MAPK4: variants seen among roughly 807,000 people sequenced by gnomAD.
MAPK4 encodes the protein Erk3-related.
Under a neutral mutation model 47.7 loss-of-function variants are expected in MAPK4, and 22 were observed. The ratio of observed to expected loss-of-function variants is 0.46; its 90% CI spans 0.33 to 0.66. The LOEUF (loss-of-function observed/expected upper bound fraction) is 0.66. Among genes scored for constraint, MAPK4 ranks in the 30% least tolerant of loss-of-function variants. The pLI is 0.02. For synonymous variants in MAPK4, 390 were observed against 365.7 expected, an observed-to-expected ratio of 1.07 and a Z score of -0.76; for missense variants, 736 against 831.7, an observed-to-expected ratio of 0.88 and a Z score of 1.42.
In MAPK4 at chr18:50,600,070, C is replaced by T. The variant is rs544966273; in HGVS notation, c.-871+39827C>T. 8.5e-5 allele frequency among the ~76,000 whole-genome samples: 13 copies of T among 152,280 alleles called. No individual in the cohort carries two copies. The South Asian group carries it at 1.7e-3, about 19-fold the overall frequency. On this transcript the variant is annotated intron_variant, in intron 1 of 5. Coordinates refer to ENST00000400384, the MANE Select transcript of MAPK4 (RefSeq NM_002747.4). ...TAGTTTCAGATGCCTTCAATTCTGC[C>T]GAGTAGAAGCCACTGTATTTGATAT...
At chr18:50,710,760 A>T (rs1910313381) in intron 2 of MAPK4, among the ~76,000 whole-genome samples, 1 of 151,084 alleles carries the variant, frequency 6.6e-6, no homozygotes, top group Non-Finnish European at 1.5e-5. Context: ...AGCCTGGGTG[A>T]CAGAGTGAGA....
intron 1 of MAPK4, among the ~76,000 whole-genome samples, chr18:50,641,493 A>C (rs1357428882): frequency 6.6e-6 from 1 of 152,206 alleles, no homozygotes; most frequent in African/African-American, 2.4e-5. Flanking sequence ...CAAAATATAT[A>C]TATACTTTTA....
At chr18:50,721,681 A>G (rs566024700) in intron 3 of MAPK4, among the ~76,000 whole-genome samples, 24 of 152,322 alleles carry the variant, frequency 1.6e-4, no homozygotes, top group African/African-American at 5.8e-4. Context: ...GAGACACAGA[A>G]TGCTAGGGGA....
At chr18:50,599,313 A>G (rs951336721) in intron 1 of MAPK4, among the ~76,000 whole-genome samples, 4 of 152,158 alleles carry the variant, frequency 2.6e-5, no homozygotes, top group African/African-American at 7.2e-5. Flanking sequence ...TAAAAACCCT[A>G]TCAGTCTTTT....
At chr18:50,587,246 C>T (rs28523430) in intron 1 of MAPK4, among the ~76,000 whole-genome samples, 6,151 of 152,144 alleles carry the variant, frequency 0.04, 444 homozygotes, top group African/African-American at 0.14. Context: ...GAATGGGATT[C>T]GTGCCCTTAT....
At chr18:50,615,499 G>A (rs2042677109) in intron 1 of MAPK4, among the ~76,000 whole-genome samples, 1 of 152,150 alleles carries the variant, frequency 6.6e-6, no homozygotes, top group Non-Finnish European at 1.5e-5. Flanking sequence ...AGGAAAAAAG[G>A]ATGAAAGGCA....
chr18:50,703,583 G>A (rs762993710), intron 2 of MAPK4, among the ~76,000 whole-genome samples: 2 of 152,176 alleles, frequency 1.3e-5, no homozygotes, highest in African/African-American at 4.8e-5. Context: ...TAACAGGTCA[G>A]TATGTTTCCT....
chr18:50,699,772 A>C (rs967672794), intron 2 of MAPK4, among the ~76,000 whole-genome samples: 2 of 152,196 alleles, frequency 1.3e-5, no homozygotes, highest in African/African-American at 4.8e-5. Context: ...CCTCGGATTT[A>C]ATCATTCACT....
chr18:50,659,077 A>G (rs908754036), intron 1 of MAPK4, among the ~76,000 whole-genome samples: 8 of 152,252 alleles, frequency 5.3e-5, no homozygotes. Context: ...CTATAAAGGC[A>G]GAATTAAGTT....
chr18:50,635,972 C>T (rs1015224143), intron 1 of MAPK4, among the ~76,000 whole-genome samples: 4 of 152,228 alleles, frequency 2.6e-5, no homozygotes, highest in African/African-American at 9.6e-5. Context: ...GTCTAATCTA[C>T]TCTCTCAGAC....
chr18:50,729,101 C>G, intron 5 of MAPK4, 57 bp from the exon 6 acceptor site: 1 of 1,452,054 alleles, frequency 6.9e-7, no homozygotes, highest in Non-Finnish European at 9.3e-7. Context: ...GCTTGGCTCC[C>G]TCCCGGAAGC....
intron 1 of MAPK4, among the ~76,000 whole-genome samples, chr18:50,610,048 T>G (rs1310867392): frequency 1.3e-5 from 2 of 152,182 alleles, no homozygotes; most frequent in Non-Finnish European, 2.9e-5. Context: ...AGAGGTGAAT[T>G]AACTTGTCTA....
At position 50,716,589 on chromosome 18, in the gene MAPK4, G is replaced by T. The variant is rs1345778146; in HGVS notation, c.691+1366G>T. Among the ~76,000 whole-genome samples the T allele has an allele frequency of 2.6e-5, 4 of 152,312 alleles. No homozygotes were observed. In the East Asian group the frequency reaches 5.8e-4, roughly 22 times the overall value. On this transcript the variant is annotated intron_variant, in intron 3 of 5. Transcript: ENST00000400384. The stretch of plus-strand genomic sequence containing the variant: ...GGTGAGGCCAGTCTCCACACGCTCT[G>T]GCTGCAGCATGAGCCCCGTGGGCCT...
At chr18:50,601,951 G>T (rs1279519449) in intron 1 of MAPK4, among the ~76,000 whole-genome samples, 1 of 152,048 alleles carries the variant, frequency 6.6e-6, no homozygotes, top group African/African-American at 2.4e-5. Context: ...CCATCCTATG[G>T]AAAGGACCCA....
chr18:50,647,596 C>G (rs1033083363), intron 1 of MAPK4, among the ~76,000 whole-genome samples: 2 of 152,118 alleles, frequency 1.3e-5, no homozygotes, highest in Non-Finnish European at 2.9e-5. Context: ...AGAATTTTAC[C>G]GTCGGCTCAA....
chr18:50,569,867 T>C (rs760616979), intron 1 of MAPK4, among the ~76,000 whole-genome samples: 11 of 152,268 alleles, frequency 7.2e-5, no homozygotes, highest in Non-Finnish European at 1.3e-4. Context: ...CTATTTTGGA[T>C]TGACAGGCCC....
intron 1 of MAPK4, among the ~76,000 whole-genome samples, chr18:50,612,779 G>T (rs997300139): frequency 1.3e-5 from 2 of 152,122 alleles, no homozygotes; most frequent in Admixed American, 6.5e-5. Flanking sequence ...TTCTCTAAGG[G>T]CATGAGTAGT....
intron 2 of MAPK4, among the ~76,000 whole-genome samples, chr18:50,684,588 G>A (rs1459890940): frequency 6.6e-5 from 10 of 151,884 alleles, no homozygotes; most frequent in Non-Finnish European, 1.5e-4. Flanking sequence ...TCCCTTGGGT[G>A]AGCTCTGCCT....
At chr18:50,693,818 G>A (rs1042601982) in intron 2 of MAPK4, among the ~76,000 whole-genome samples, 4 of 123,090 alleles carry the variant, frequency 3.2e-5, no homozygotes, top group African/African-American at 1.0e-4. Flanking sequence ...TAAGAGACTT[G>A]CCTGGGCTTA....
Sources: gnomAD v4.1 joint callset for allele counts (sites outside exome capture counted in the v4.1 genomes callset) on GRCh38, gnomAD v4.1.1 for gene constraint, MANE v1.5 for transcripts, NCBI Gene and HGNC (gene_info 2026-07-23, HGNC 2026-07-21) for gene names.